The following SLC5A8 variants were observed in gnomAD, a reference collection of about 807,000 sequenced individuals.
SLC5A8 encodes the protein solute carrier family 5 member 8.
SLC5A8 carries 55 observed loss-of-function variants against 71.9 expected under a neutral mutation model. The ratio of observed to expected loss-of-function variants is 0.77; its 90% CI spans 0.62 to 0.96. SLC5A8 has a LOEUF of 0.96. SLC5A8 is among the 40% of genes least tolerant of loss of function. The pLI, the probability that SLC5A8 is intolerant of heterozygous loss-of-function variation, is 0.00. For synonymous variants in SLC5A8, 307 were observed against 276.1 expected, an observed-to-expected ratio of 1.11 and a Z score of -1.11; for missense variants, 701 against 745.3, an observed-to-expected ratio of 0.94 and a Z score of 0.69.
At chr12:101,158,598 C>CTCTA (rs1411795424) in intron 13 of SLC5A8, among the ~76,000 whole-genome samples, 19 of 21,232 alleles carry the variant, frequency 8.9e-4, no homozygotes, top group South Asian at 6.2e-3. Flanking sequence ...CTCTCTCTCT[C>CTCTA]TATATATATA....
intron 13 of SLC5A8, 88 bp from the exon 14 acceptor site, chr12:101,158,416 G>T: frequency 4.9e-6 from 4 of 811,718 alleles, no homozygotes; most frequent in Non-Finnish European, 7.9e-6. Context: ...CATTTAACTT[G>T]TTCACGTTCA....
chr12:101,192,413 T>G (rs983424945), intron 5 of SLC5A8, among the ~76,000 whole-genome samples: 1 of 152,298 alleles, frequency 6.6e-6, no homozygotes, highest in Admixed American at 6.5e-5. Flanking sequence ...AAAATGGGTT[T>G]TTTTTTCTTC....
In SLC5A8 at chr12:101,179,931, G is replaced by A. The variant is rs554058813; in HGVS notation, c.1233+98C>T. The A allele has an allele frequency of 1.4e-5, 17 of 1,250,370 alleles. No individual in the cohort carries two copies. In the South Asian group the frequency reaches 1.4e-4, roughly 11 times the overall value. 77.5% of individuals were successfully genotyped at this position (1,250,370 alleles called of 1,614,324 possible). A position where few individuals can be genotyped will look rare whatever the true frequency, so the allele number is the denominator to read the frequency against. On this transcript the variant is annotated intron_variant, in intron 10 of 14. Coordinates refer to ENST00000536262, the MANE Select transcript of SLC5A8 (RefSeq NM_145913.5). Reference sequence around the variant, plus strand: ...TCCCTGCCACTTGATATGTCCAGGTGTCGATATATATCGAGAGAAGTCTGG... The same window carrying A: ...TCCCTGCCACTTGATATGTCCAGGTATCGATATATATCGAGAGAAGTCTGG...
chr12:101,158,674 C>G (rs1253849610), intron 13 of SLC5A8, among the ~76,000 whole-genome samples: 1 of 138,180 alleles, frequency 7.2e-6, no homozygotes, highest in African/African-American at 2.6e-5. Context: ...TAAACGCAAG[C>G]CAACTGCTTC....
At chr12:101,182,708 G>A in intron 9 of SLC5A8, 95 bp downstream of exon 9, 1 of 772,352 alleles carries the variant, frequency 1.3e-6, no homozygotes. Flanking sequence ...CATATTCAGA[G>A]GTCCTTCCTC....
chr12:101,160,087 C>A (rs1050164980), intron 13 of SLC5A8, among the ~76,000 whole-genome samples: 4 of 152,120 alleles, frequency 2.6e-5, no homozygotes, highest in African/African-American at 7.2e-5. Flanking sequence ...GAAGCTGAGG[C>A]AGAAGAATCC....
chr12:101,202,249 T>C (rs770983256), intron 2 of SLC5A8, 34 bp from the exon 3 acceptor site: 2 of 1,501,872 alleles, frequency 1.3e-6, no homozygotes, highest in South Asian at 1.3e-5. Context: ...ATGAATTATA[T>C]GAATTATAAA....
intron 5 of SLC5A8, among the ~76,000 whole-genome samples, chr12:101,191,000 G>T (rs1251471451): frequency 6.6e-6 from 1 of 152,052 alleles, no homozygotes; most frequent in Non-Finnish European, 1.5e-5. Flanking sequence ...CAGACGAGAT[G>T]GCACTAAAAT....
intron 1 of SLC5A8, 99 bp downstream of exon 1, chr12:101,209,399 T>A: frequency 1.2e-6 from 1 of 829,396 alleles, no homozygotes; most frequent in Non-Finnish European, 1.8e-6. Context: ...GAGATTTCGA[T>A]GTGGCAGTGA....
chr12:101,167,176 A>G (rs1319674968), intron 11 of SLC5A8, among the ~76,000 whole-genome samples: 1 of 152,218 alleles, frequency 6.6e-6, no homozygotes, highest in African/African-American at 2.4e-5. Flanking sequence ...AAACTAATGC[A>G]TTTCATCACG....
chr12:101,192,810 C>T (rs1002671651), intron 5 of SLC5A8, among the ~76,000 whole-genome samples: 1 of 151,778 alleles, frequency 6.6e-6, no homozygotes, highest in African/African-American at 2.4e-5. Context: ...CTATAGATTG[C>T]CAGGGCAATA....
At chr12:101,161,295 G>A (rs1277946267) in intron 13 of SLC5A8, among the ~76,000 whole-genome samples, 1 of 152,130 alleles carries the variant, frequency 6.6e-6, no homozygotes, top group Non-Finnish European at 1.5e-5. Context: ...AAATGAGAAT[G>A]AGAAGTAATG....
In SLC5A8 at chr12:101,193,790, A is replaced by C. The variant is rs753918489; in HGVS notation, c.538-11T>G. 8.7e-6 allele frequency: 14 copies of C among 1,613,312 alleles called. No homozygotes were observed. Among genetic ancestry groups the C allele is most frequent in the Non-Finnish European group, 1.2e-5 (14 of 1,179,700 alleles). ...TGCTTTAAGACCACCCTTTGAGGGG[A>C]AAGTATATTAGGATTAATGCTTCTA... On this transcript the variant is annotated splice_polypyrimidine_tract_variant and intron_variant, in intron 4 of 14. Transcript: ENST00000536262.
At chr12:101,189,138 G>A (rs955728101) in intron 6 of SLC5A8, among the ~76,000 whole-genome samples, 14 of 152,094 alleles carry the variant, frequency 9.2e-5, no homozygotes, top group African/African-American at 1.9e-4. Flanking sequence ...GGGCTTTTTG[G>A]GTTTCATGTT....
At chr12:101,164,632 T>C (rs527617735) in intron 12 of SLC5A8, among the ~76,000 whole-genome samples, 2 of 150,752 alleles carry the variant, frequency 1.3e-5, no homozygotes, top group South Asian at 4.4e-4. Flanking sequence ...CGACACACAC[T>C]CCTCCTTCCT....
intron 1 of SLC5A8, 99 bp from the exon 2 acceptor site, chr12:101,204,664 A>G (rs899209247): frequency 2.7e-6 from 2 of 738,186 alleles, no homozygotes; most frequent in Non-Finnish European, 4.6e-6. Context: ...AAGCAACTTC[A>G]TAACTGATTT....
intron 13 of SLC5A8, among the ~76,000 whole-genome samples, chr12:101,158,596 CTCTATATATATATATA>C (rs1222986974): frequency 4.5e-4 from 8 of 17,704 alleles, no homozygotes; most frequent in South Asian, 2.2e-3. Flanking sequence ...CTCTCTCTCT[CTCTATATATATATATA>C]TATATATATA....
intron 13 of SLC5A8, among the ~76,000 whole-genome samples, chr12:101,161,619 T>C (rs1229848178): frequency 6.6e-6 from 1 of 152,214 alleles, no homozygotes; most frequent in East Asian, 1.9e-4. Context: ...ATCCCTAACA[T>C]CATAGCAGTT....
Position 101,182,671 on chromosome 12 carries a change from A to C in SLC5A8, c.1165+132T>G, listed in dbSNP as rs1472505306. 5 of 604,576 alleles carry C rather than the reference A, an allele frequency of 8.3e-6. No individual in the cohort carries two copies. In the East Asian group the frequency reaches 1.6e-4, roughly 20 times the overall value. The allele number at this position is 604,576 out of a possible 1,614,324, so 37.5% of individuals were successfully genotyped here. A position where few individuals can be genotyped will look rare whatever the true frequency, so the allele number is the denominator to read the frequency against. Reference sequence around the variant, plus strand: ...ACATTTTTTAAAAATCTGCATTGTCATAGGCATACATATGTGGATATCCAG... The same window carrying C: ...ACATTTTTTAAAAATCTGCATTGTCCTAGGCATACATATGTGGATATCCAG... On this transcript the variant is annotated intron_variant, in intron 9 of 14. Transcript: ENST00000536262.
Sources: gnomAD v4.1 joint callset for allele counts (sites outside exome capture counted in the v4.1 genomes callset) on GRCh38, gnomAD v4.1.1 for gene constraint, MANE v1.5 for transcripts, NCBI Gene and HGNC (gene_info 2026-07-23, HGNC 2026-07-21) for gene names.